The following EYS variants were observed in gnomAD, a reference collection of about 807,000 sequenced individuals.
The protein encoded by EYS is EGF-like photoreceptor maintenance factor, also known as protein eyes shut homolog.
EYS carries 250 observed loss-of-function variants against 282.1 expected under a neutral mutation model. The observed-to-expected ratio is 0.89, with a 90% CI of 0.80 to 0.98. The LOEUF is 0.98. EYS is among the 50% of genes least tolerant of loss of function. The pLI, the probability that EYS is intolerant of heterozygous loss-of-function variation, is 0.00. For synonymous variants in EYS, 1,355 were observed against 1,282.9 expected, an observed-to-expected ratio of 1.06 and a Z score of -1.20; for missense variants, 4,016 against 3,709.0, an observed-to-expected ratio of 1.08 and a Z score of -2.15.
intron 35 of EYS, among the ~76,000 whole-genome samples, chr6:63,980,832 T>TAGA (rs1435850043): frequency 6.6e-6 from 1 of 151,388 alleles, no homozygotes; most frequent in Non-Finnish European, 1.5e-5. Flanking sequence ...TGGAAGAGAG[T>TAGA]AGAAGATTTT....
rs77491408 is a variant in EYS at position 64,016,132 on chromosome 6, C to G, written c.6726-16949G>C. Among the ~76,000 whole-genome samples the G allele has an allele frequency of 2.6e-3, 391 of 152,232 alleles. 1 individual carries two copies. The highest frequency in any genetic ancestry group is 8.2e-3 in the African/African-American group (339 of 41,516). On this transcript the variant is annotated intron_variant, in intron 33 of 42. Transcript: ENST00000503581. ...AAGCAATGCAACCAATCAGGACAGA[C>G]TGGAATAACATGTTTCAAAGTGACA...
chr6:64,903,769 T>C (rs1408572744), intron 16 of EYS, among the ~76,000 whole-genome samples: 2 of 152,274 alleles, frequency 1.3e-5, no homozygotes, highest in African/African-American at 2.4e-5. Context: ...TATCATACCA[T>C]GCCACAGTCA....
At chr6:65,079,448 C>T (rs904288418) in intron 12 of EYS, among the ~76,000 whole-genome samples, 7 of 151,964 alleles carry the variant, frequency 4.6e-5, no homozygotes, top group Non-Finnish European at 7.4e-5. Context: ...AATGTAATTA[C>T]AGATCAATTC....
At chr6:64,188,502 T>A (rs143007204) in intron 31 of EYS, among the ~76,000 whole-genome samples, 61 of 152,302 alleles carry the variant, frequency 4.0e-4, no homozygotes, top group African/African-American at 1.4e-3. Flanking sequence ...GGATATATTA[T>A]GCTAAAAAGT....
intron 2 of EYS, among the ~76,000 whole-genome samples, chr6:65,512,728 C>T (rs997971791): frequency 7.9e-5 from 12 of 151,794 alleles, no homozygotes; most frequent in Admixed American, 5.9e-4. Context: ...ATAAAGATGT[C>T]CTTTGAAACC....
At chr6:65,315,101 C>T (rs1472998002) in intron 11 of EYS, among the ~76,000 whole-genome samples, 2 of 151,992 alleles carry the variant, frequency 1.3e-5, no homozygotes, top group African/African-American at 4.8e-5. Flanking sequence ...ATACCTGTGC[C>T]TCATACTTAA....
chr6:64,193,919 G>C (rs924411466), intron 31 of EYS, among the ~76,000 whole-genome samples: 7 of 152,106 alleles, frequency 4.6e-5, no homozygotes, highest in African/African-American at 1.7e-4. Context: ...ATTTGGGTTG[G>C]TTCCAAGTCT....
At chr6:64,826,216 G>A (rs1025365975) in intron 19 of EYS, among the ~76,000 whole-genome samples, 1 of 151,798 alleles carries the variant, frequency 6.6e-6, no homozygotes, top group East Asian at 1.9e-4. Context: ...CATAGCAGAT[G>A]ATTTTCACAA....
chr6:64,036,231 T>A (rs1436468074), intron 33 of EYS, among the ~76,000 whole-genome samples: 1 of 151,698 alleles, frequency 6.6e-6, no homozygotes, highest in African/African-American at 2.4e-5. Flanking sequence ...TAAAGTATAA[T>A]AGAAAAAAAA....
chr6:64,320,334 T>C (rs2150383819), intron 29 of EYS, among the ~76,000 whole-genome samples: 1 of 152,006 alleles, frequency 6.6e-6, no homozygotes, highest in Admixed American at 6.6e-5. Context: ...TTTATCTGTT[T>C]AGGTCATTGA....
At chr6:64,372,927 C>G (rs1248930964) in intron 29 of EYS, among the ~76,000 whole-genome samples, 1 of 152,162 alleles carries the variant, frequency 6.6e-6, no homozygotes, top group East Asian at 1.9e-4. Context: ...TCAGTTGGCT[C>G]TTTCTTATAA....
chr6:64,592,014 AG>A, intron 25 of EYS, 25 bp from the exon 26 acceptor site: 2 of 1,436,866 alleles, frequency 1.4e-6, no homozygotes, highest in Non-Finnish European at 9.1e-7. Context: ...AAAGCCAAAA[AG>A]GTTAGAAAAA....
At position 65,405,161 on chromosome 6, in the gene EYS, G is replaced by T. The variant is rs746985679; in HGVS notation, c.1056+13C>A. ...TTTAAAACCACTCACTTATATGTTA[G>T]ATTGAGACTTACATTTGATATTTTG... On this transcript the variant is annotated intron_variant, in intron 6 of 42. Coordinates refer to ENST00000503581, the MANE Select transcript of EYS (RefSeq NM_001142800.2). 7 of 1,599,500 alleles carry T rather than the reference G, an allele frequency of 4.4e-6. No individual in the cohort carries two copies. The African/African-American group carries it at 8.1e-5, about 18-fold the overall frequency.
intron 22 of EYS, among the ~76,000 whole-genome samples, chr6:64,737,548 T>C (rs1380986116): frequency 1.3e-5 from 2 of 152,226 alleles, no homozygotes; most frequent in Non-Finnish European, 2.9e-5. Flanking sequence ...AAGCTTGGCA[T>C]TTGGTGTAAT....
At chr6:64,215,362 C>A (rs1765899015) in intron 31 of EYS, among the ~76,000 whole-genome samples, 1 of 151,600 alleles carries the variant, frequency 6.6e-6, no homozygotes, top group Non-Finnish European at 1.5e-5. Flanking sequence ...ATATTTTATA[C>A]TTGATTTACA....
At chr6:64,052,616 G>A (rs560296752) in intron 33 of EYS, among the ~76,000 whole-genome samples, 2 of 152,206 alleles carry the variant, frequency 1.3e-5, no homozygotes, top group South Asian at 4.1e-4. Context: ...GTAATAGAAT[G>A]TTATGGCTTG....
intron 36 of EYS, among the ~76,000 whole-genome samples, chr6:63,820,746 C>A (rs1771300443): frequency 6.6e-6 from 1 of 152,152 alleles, no homozygotes; most frequent in Non-Finnish European, 1.5e-5. Context: ...ATTGTACTCT[C>A]ATATATGCTG....
chr6:65,008,797 G>C (rs751564498), intron 13 of EYS, among the ~76,000 whole-genome samples: 2 of 152,146 alleles, frequency 1.3e-5, no homozygotes, highest in Non-Finnish European at 2.9e-5. Context: ...AGGTATGCTT[G>C]ACCATTGAGG....
At chr6:65,540,652 C>T (rs1461732873) in intron 2 of EYS, among the ~76,000 whole-genome samples, 1 of 152,168 alleles carries the variant, frequency 6.6e-6, no homozygotes, top group Admixed American at 6.5e-5. Context: ...GGTGCGGTGG[C>T]TCACGCCTGT....
Sources: allele counts gnomAD v4.1 joint callset (sites outside exome capture counted in the v4.1 genomes callset), GRCh38; gene constraint gnomAD v4.1.1; transcripts MANE v1.5; gene names NCBI Gene and HGNC (gene_info 2026-07-23, HGNC 2026-07-21).